VTI1A: variants seen among roughly 807,000 people sequenced by gnomAD.
The protein encoded by VTI1A is vesicle transport through interaction with t-SNAREs 1A.
Under a neutral mutation model 34.9 loss-of-function variants are expected in VTI1A, and 22 were observed. The ratio of observed to expected loss-of-function variants is 0.63; its 90% CI spans 0.45 to 0.90. The LOEUF (loss-of-function observed/expected upper bound fraction) is 0.90. Among genes scored for constraint, VTI1A ranks in the 40% least tolerant of loss-of-function variants. The probability of loss-of-function intolerance (pLI) is 0.00; values close to 1 mark genes in which losing one functional copy is unlikely to be tolerated. For missense variants in VTI1A, 268 were observed against 275.6 expected (o/e 0.97, Z 0.20); for synonymous variants, 87 against 97.3 (o/e 0.89, Z 0.62).
chr10:112,531,063 TCACACA>T (rs10670312), intron 4 of VTI1A, among the ~76,000 whole-genome samples: 2,764 of 139,914 alleles, frequency 0.02, 77 homozygotes, highest in Admixed American at 0.073. Flanking sequence ...GTGACACACC[TCACACA>T]CACACACACA....
intron 5 of VTI1A, among the ~76,000 whole-genome samples, chr10:112,594,765 C>T (rs1435682351): frequency 1.3e-5 from 2 of 151,168 alleles, no homozygotes; most frequent in African/African-American, 2.4e-5. Context: ...AATGCCATCC[C>T]CATCAAGCTA....
intron 5 of VTI1A, among the ~76,000 whole-genome samples, chr10:112,651,765 A>C (rs1847031883): frequency 6.6e-6 from 1 of 152,250 alleles, no homozygotes; most frequent in Non-Finnish European, 1.5e-5. Context: ...TTTGAATACC[A>C]GGTTACCTTC....
At chr10:112,703,481 C>T (rs80280837) in intron 7 of VTI1A, among the ~76,000 whole-genome samples, 10,545 of 151,942 alleles carry the variant, frequency 0.069, 884 homozygotes, top group African/African-American at 0.2. Context: ...GCAGGAGAAT[C>T]GCTTGAACCG....
intron 5 of VTI1A, among the ~76,000 whole-genome samples, chr10:112,562,393 G>A (rs1851753735): frequency 6.6e-6 from 1 of 152,066 alleles, no homozygotes; most frequent in Admixed American, 6.6e-5. Flanking sequence ...AGTATGAAAT[G>A]TCAGTATATT....
At chr10:112,598,186 T>G (rs1440223563) in intron 5 of VTI1A, among the ~76,000 whole-genome samples, 1 of 152,196 alleles carries the variant, frequency 6.6e-6, no homozygotes, top group Non-Finnish European at 1.5e-5. Context: ...CCATTCTGAG[T>G]CAGTTTTCTT....
At chr10:112,673,470 A>G (rs866446956) in intron 7 of VTI1A, among the ~76,000 whole-genome samples, 5 of 109,538 alleles carry the variant, frequency 4.6e-5, no homozygotes, top group African/African-American at 1.4e-4. Context: ...GTGCGCGCGC[A>G]CACACACACA....
chr10:112,787,487 C>T (rs1852322063), intron 7 of VTI1A, among the ~76,000 whole-genome samples: 1 of 152,008 alleles, frequency 6.6e-6, no homozygotes, highest in African/African-American at 2.4e-5. Context: ...TGACTTGAGA[C>T]CTTTCCTTTT....
chr10:112,521,484 G>T (rs147240433), intron 3 of VTI1A, among the ~76,000 whole-genome samples: 2 of 152,012 alleles, frequency 1.3e-5, no homozygotes, highest in African/African-American at 4.8e-5. Flanking sequence ...TGCTCTGGAG[G>T]TCATCATATA....
intron 3 of VTI1A, among the ~76,000 whole-genome samples, chr10:112,475,282 A>G (rs1848241827): frequency 6.6e-6 from 1 of 152,230 alleles, no homozygotes; most frequent in Non-Finnish European, 1.5e-5. Flanking sequence ...AATAACTTCC[A>G]TGTTCACTGT....
chr10:112,471,670 G>A (rs1289606428), intron 3 of VTI1A, among the ~76,000 whole-genome samples: 1 of 151,540 alleles, frequency 6.6e-6, no homozygotes, highest in East Asian at 1.9e-4. Flanking sequence ...TTAGGTATTT[G>A]AAAACAACTT....
rs372027559 is a variant in VTI1A at position 112,815,274 on chromosome 10, C to T, written c.561-16C>T. ...CACTTATCTGTGTGTGTTTTTTCTC[C>T]TTTGCTGTCTCCTAGAATCATCCAG... On this transcript the variant is annotated splice_polypyrimidine_tract_variant and intron_variant, in intron 7 of 7. Coordinates refer to ENST00000393077, the MANE Select transcript of VTI1A (RefSeq NM_145206.4). 5 of 1,607,612 alleles carry T rather than the reference C, an allele frequency of 3.1e-6. No individual in the cohort carries two copies. The highest frequency in any genetic ancestry group is 4.3e-6 in the Non-Finnish European group (5 of 1,175,940).
At chr10:112,492,701 C>T (rs1271867988) in intron 3 of VTI1A, among the ~76,000 whole-genome samples, 2 of 151,406 alleles carry the variant, frequency 1.3e-5, no homozygotes, top group Non-Finnish European at 2.9e-5. Context: ...CTAGGAGAAT[C>T]GCTTGAACCT....
intron 5 of VTI1A, among the ~76,000 whole-genome samples, chr10:112,615,980 A>ACT (rs1376717104): frequency 6.6e-6 from 1 of 152,190 alleles, no homozygotes; most frequent in African/African-American, 2.4e-5. Context: ...TCTGAGGCAG[A>ACT]CATTTTCCAC....
intron 5 of VTI1A, among the ~76,000 whole-genome samples, chr10:112,661,169 GAT>G (rs985585394): frequency 6.6e-6 from 1 of 152,098 alleles, no homozygotes; most frequent in African/African-American, 2.4e-5. Context: ...TTTTGCTAGA[GAT>G]GGGGTTTCAC....
chr10:112,525,347 G>A (rs966841057), intron 3 of VTI1A, among the ~76,000 whole-genome samples: 3 of 152,108 alleles, frequency 2.0e-5, no homozygotes, highest in African/African-American at 7.2e-5. Context: ...GACTCAGGGC[G>A]GGGAGTGGAT....
intron 4 of VTI1A, among the ~76,000 whole-genome samples, chr10:112,530,076 T>G (rs1264617406): frequency 6.6e-6 from 1 of 152,134 alleles, no homozygotes; most frequent in African/African-American, 2.4e-5. Flanking sequence ...AAAAGCATTT[T>G]TAATGTCCCT....
intron 3 of VTI1A, among the ~76,000 whole-genome samples, chr10:112,508,333 T>C (rs889570228): frequency 6.6e-6 from 1 of 152,210 alleles, no homozygotes. Flanking sequence ...ATGCTCTTTG[T>C]CACCTTCACC....
At chr10:112,589,128 A>G (rs1344760658) in intron 5 of VTI1A, among the ~76,000 whole-genome samples, 1 of 151,124 alleles carries the variant, frequency 6.6e-6, no homozygotes, top group Non-Finnish European at 1.5e-5. Context: ...GTTTGCCTTC[A>G]TAAAATTAAA....
chr10:112,703,023 A>G (rs914059262), intron 7 of VTI1A, among the ~76,000 whole-genome samples: 1 of 152,186 alleles, frequency 6.6e-6, no homozygotes, highest in African/African-American at 2.4e-5. Flanking sequence ...TTTTTTAATC[A>G]ATGACTTTAA....
Sources: gnomAD v4.1 joint callset for allele counts (sites outside exome capture counted in the v4.1 genomes callset) on GRCh38, gnomAD v4.1.1 for gene constraint, MANE v1.5 for transcripts, NCBI Gene and HGNC (gene_info 2026-07-23, HGNC 2026-07-21) for gene names.